The following FANCI variants were observed in gnomAD, a reference collection of about 807,000 sequenced individuals.
FANCI encodes the protein FA complementation group I.
FANCI carries 156 observed loss-of-function variants against 176.1 expected under a neutral mutation model. That is an observed-to-expected ratio of 0.89 (90% CI 0.78 to 1.01). FANCI has a LOEUF of 1.01. FANCI is among the 50% of genes least tolerant of loss of function. FANCI has a pLI of 0.00. For missense variants in FANCI, 1,678 were observed against 1,534.1 expected (o/e 1.09, Z -1.57); for synonymous variants, 613 against 541.7 (o/e 1.13, Z -1.83).
intron 18 of FANCI, among the ~76,000 whole-genome samples, chr15:89,286,297 T>C (rs2053814828): frequency 6.6e-6 from 1 of 152,204 alleles, no homozygotes; most frequent in African/African-American, 2.4e-5. Context: ...CTGGCCTAAC[T>C]TAGTTTTTAT....
At chr15:89,250,188 T>A (rs2151087784) in intron 2 of FANCI, among the ~76,000 whole-genome samples, 1 of 152,332 alleles carries the variant, frequency 6.6e-6, no homozygotes, top group South Asian at 2.1e-4. Flanking sequence ...GTGATCCCAT[T>A]ACTGGGTATA....
intron 2 of FANCI, among the ~76,000 whole-genome samples, chr15:89,255,513 A>G (rs1029106252): frequency 1.3e-5 from 2 of 152,164 alleles, no homozygotes; most frequent in African/African-American, 4.8e-5. Context: ...TCAGAATATC[A>G]CCAATGAGGG....
At position 89,315,319 on chromosome 15, in the gene FANCI, G is replaced by T; in HGVS notation, c.3854G>T (p.Arg1285Leu). 6.2e-7 allele frequency: 1 copy of T among 1,613,956 alleles called. No individual in the cohort carries two copies. The highest frequency in any genetic ancestry group is 8.5e-7 in the Non-Finnish European group (1 of 1,179,850). Residue 1285 changes from arginine to leucine, a missense_variant, in exon 37 of 38, where the codon CGA (arginine) becomes CTA (leucine). Arg to Leu is a moderately radical substitution (Grantham distance 102, BLOSUM62 -2). Coordinates refer to ENST00000310775, the MANE Select transcript of FANCI (RefSeq NM_001113378.2). ...LMQHMKLSTS[R>L]DFKIKGNILD... ...CAGCACATGAAGCTCAGCACCTCAC[G>T]AGACTTCAAGATCAAAGGAAACATC...
intron 3 of FANCI, 160 bp downstream of exon 3, chr15:89,258,936 C>G (rs912414201): frequency 1.6e-6 from 1 of 633,862 alleles, no homozygotes; most frequent in African/African-American, 1.8e-5. Context: ...GTCTAGTGGA[C>G]TTAAGTAATT....
chr15:89,287,927 T>C (rs978058944), intron 18 of FANCI, among the ~76,000 whole-genome samples: 1 of 152,054 alleles, frequency 6.6e-6, no homozygotes, highest in African/African-American at 2.4e-5. Flanking sequence ...TCATTTATCA[T>C]AGATCCCCAT....
In FANCI at chr15:89,293,037, A is replaced by G; in HGVS notation, c.2265A>G (p.Glu755=). 1 of 1,613,872 alleles carries G rather than the reference A, an allele frequency of 6.2e-7. No homozygotes were observed. Among genetic ancestry groups the G allele is most frequent in the East Asian group, 2.2e-5 (1 of 44,846 alleles). Residue 755 remains glutamate, a synonymous_variant, in exon 22 of 38, where the codon GAA becomes GAG. Coordinates refer to ENST00000310775, the MANE Select transcript of FANCI (RefSeq NM_001113378.2). ...LVMGVCEVLI[E]YNFSISSFSK... is the part of the protein sequence containing the mutation. ...TGGGAGTTTGTGAGGTTTTAATAGA[A>G]TACAATTTCTCCATAAGTAGTTTCA...
At chr15:89,276,664 T>A in intron 12 of FANCI, 47 bp from the exon 13 acceptor site, 1 of 1,601,474 alleles carries the variant, frequency 6.2e-7, no homozygotes, top group Non-Finnish European at 8.6e-7. Flanking sequence ...AAGGTAAGAA[T>A]ATCTCACTAA....
chr15:89,280,974 CAT>C (rs1164885713), intron 14 of FANCI, among the ~76,000 whole-genome samples, 194 bp from the exon 15 acceptor site: 2 of 152,008 alleles, frequency 1.3e-5, no homozygotes, highest in African/African-American at 2.4e-5. Context: ...TTGAAACTAT[CAT>C]AGAAAAAAGC....
chr15:89,275,365 C>G (rs1217900431), intron 12 of FANCI, among the ~76,000 whole-genome samples: 1 of 152,140 alleles, frequency 6.6e-6, no homozygotes, highest in South Asian at 2.1e-4. Context: ...TGGAAAACAT[C>G]AGTAACTGTC....
In FANCI at chr15:89,299,819, A is replaced by G. The variant is rs376633227; in HGVS notation, c.2656A>G (p.Thr886Ala). ...CTTCAGAGTCTTGCTATGGAGATAC[A>G]CTTCAATTCCTACTTCAGTGGAAGA... ...DITRVLLWRY[T>A]SIPTSVEESG... The change falls in exon 25 of 38, where the codon ACT (threonine) becomes GCT (alanine). Residue 886 changes from threonine to alanine, a missense_variant. By Grantham distance (58) the Thr-to-Ala change is moderately conservative. Coordinates refer to ENST00000310775, the MANE Select transcript of FANCI (RefSeq NM_001113378.2). 6 of 1,613,796 alleles carry G rather than the reference A, an allele frequency of 3.7e-6. No homozygotes were observed. Among genetic ancestry groups the G allele is most frequent in the East Asian group, 2.2e-5 (1 of 44,848 alleles).
At chr15:89,268,651 CTTTTT>C in intron 10 of FANCI, 126 bp downstream of exon 10, 1 of 935,706 alleles carries the variant, frequency 1.1e-6, no homozygotes, top group Non-Finnish European at 1.6e-6. Flanking sequence ...TGGAGGATCT[CTTTTT>C]TTTTTTTTAC....
chr15:89,309,829 A>C (rs985075592), intron 34 of FANCI, among the ~76,000 whole-genome samples: 8 of 152,214 alleles, frequency 5.3e-5, no homozygotes, highest in South Asian at 2.1e-4. Flanking sequence ...TTGGCAGAAT[A>C]ATGTTCCATA....
chr15:89,306,138 A>G lies in FANCI; in HGVS notation c.3481A>G (p.Thr1161Ala), dbSNP rs767847271. Residue 1161 changes from threonine (T) to alanine (A), a missense_variant, in exon 32 of 38, where the codon ACC (threonine) becomes GCC (alanine). This residue lies in a region of FANCI where 1,204 missense variants were observed against 1,077.4 expected (regional missense o/e 1.12). Coordinates refer to ENST00000310775, the MANE Select transcript of FANCI (RefSeq NM_001113378.2). ...TCTGCCATCAGGCAGCTGTGTGGACACCTTGTTAAAGGACTTGTGCAAAAT... is the reference window on the plus strand; with the variant it reads ...TCTGCCATCAGGCAGCTGTGTGGACGCCTTGTTAAAGGACTTGTGCAAAAT... ...TALPSGSCVD[T>A]LLKDLCKMYT... 5.6e-5 allele frequency: 90 copies of G among 1,614,052 alleles called. No individual in the cohort carries two copies. Among genetic ancestry groups the G allele is most frequent in the Admixed American group, 3.2e-4 (19 of 60,006 alleles).
At chr15:89,291,590 C>CT (rs759843245) in intron 19 of FANCI, 23 bp from the exon 20 acceptor site, 25 of 1,589,964 alleles carry the variant, frequency 1.6e-5, no homozygotes, top group African/African-American at 2.7e-5. Flanking sequence ...GCCAAGATGT[C>CT]TTTTTTTTCT....
At chr15:89,296,564 A>G (rs1313756988) in intron 24 of FANCI, among the ~76,000 whole-genome samples, 1 of 152,160 alleles carries the variant, frequency 6.6e-6, no homozygotes, top group Non-Finnish European at 1.5e-5. Flanking sequence ...CTTAGTACAG[A>G]ACAAAATGAA....
chr15:89,293,809 C>T (rs564553380), intron 22 of FANCI, 24 bp from the exon 23 acceptor site: 148 of 1,609,538 alleles, frequency 9.2e-5, no homozygotes, highest in Non-Finnish European at 1.1e-4. Flanking sequence ...TTGTCCTTAG[C>T]GGTCTCTTTT....
rs777380531 is a variant in FANCI at position 89,315,272 on chromosome 15, C to T, written c.3817-10C>T. On this transcript the variant is annotated splice_polypyrimidine_tract_variant and intron_variant, in intron 36 of 37. Transcript: ENST00000310775. ...TAGGGAGATGTCCCATGCTTACAAT[C>T]TTGTCATAGGTGAACCTGATGCAGC... The T allele has an allele frequency of 1.4e-5, 22 of 1,604,794 alleles. No homozygotes were observed. The highest frequency in any genetic ancestry group is 1.9e-5 in the Non-Finnish European group (22 of 1,171,570).
At chr15:89,249,989 A>G (rs2052167814) in intron 2 of FANCI, among the ~76,000 whole-genome samples, 1 of 152,266 alleles carries the variant, frequency 6.6e-6, no homozygotes, top group Non-Finnish European at 1.5e-5. Context: ...GGTAGGTCCC[A>G]TAAGGTAGAA....
At chr15:89,296,683 G>C (rs865892147) in intron 24 of FANCI, among the ~76,000 whole-genome samples, 2 of 151,820 alleles carry the variant, frequency 1.3e-5, no homozygotes, top group African/African-American at 4.8e-5. Context: ...CATTGTCATC[G>C]TGGCCCGTTC....
Sources: gnomAD v4.1 joint callset for allele counts (sites outside exome capture counted in the v4.1 genomes callset) on GRCh38, gnomAD v4.1.1 for gene constraint, gnomAD v4.1.1 regional missense constraint, MANE v1.5 for transcripts, NCBI Gene and HGNC (gene_info 2026-07-23, HGNC 2026-07-21) for gene names.